The following PXT1 variants were observed in gnomAD, a reference collection of about 807,000 sequenced individuals.
PXT1 encodes peroxisomal testis-specific protein 1.
A neutral mutation model predicts 11.0 loss-of-function variants in PXT1; 11 were observed. The observed-to-expected ratio is 1.00, with a 90% CI of 0.63 to 1.66. PXT1 has a LOEUF of 1.66. Among genes scored for constraint, PXT1 ranks in the 40% most tolerant of loss-of-function variants. The pLI is 0.00. For synonymous variants in PXT1, 43 were observed against 51.4 expected, an observed-to-expected ratio of 0.84 and a Z score of 0.70; for missense variants, 141 against 155.5, an observed-to-expected ratio of 0.91 and a Z score of 0.49.
At chr6:36,418,151 G>A (rs906565963) in intron 3 of PXT1, among the ~76,000 whole-genome samples, 12 of 151,586 alleles carry the variant, frequency 7.9e-5, no homozygotes, top group Non-Finnish European at 1.6e-4. Context: ...AGCTGAGATC[G>A]CACCTCTGCA....
chr6:36,431,953 C>G (rs1774699226), intron 2 of PXT1, among the ~76,000 whole-genome samples: 1 of 152,048 alleles, frequency 6.6e-6, no homozygotes, highest in Non-Finnish European at 1.5e-5. Flanking sequence ...CATCTGTAAT[C>G]CCAGATACTC....
intron 3 of PXT1, 113 bp downstream of exon 3, chr6:36,425,801 A>AAAAACAAACAAAC (rs1491482052): frequency 5.3e-4 from 173 of 328,378 alleles, no homozygotes; most frequent in Admixed American, 3.0e-3. Context: ...AAACAAAAAC[A>AAAAACAAACAAAC]AAAAATATAT....
intron 4 of PXT1, among the ~76,000 whole-genome samples, chr6:36,399,195 G>C (rs1228591659): frequency 6.6e-6 from 1 of 151,660 alleles, no homozygotes; most frequent in Admixed American, 6.6e-5. Flanking sequence ...ATCCAGACTG[G>C]AGTACAGTGG....
intron 3 of PXT1, among the ~76,000 whole-genome samples, chr6:36,404,654 A>T (rs1488193202): frequency 7.0e-6 from 1 of 142,952 alleles, no homozygotes; most frequent in East Asian, 2.0e-4. Context: ...TCTACTTACT[A>T]AAAAAAAAAA....
chr6:36,423,213 G>C (rs975395825), intron 3 of PXT1, among the ~76,000 whole-genome samples: 1 of 152,224 alleles, frequency 6.6e-6, no homozygotes, highest in Non-Finnish European at 1.5e-5. Flanking sequence ...CCACTGAGGG[G>C]AGAGGTGGAC....
intron 4 of PXT1, among the ~76,000 whole-genome samples, chr6:36,392,226 C>T (rs953148648): frequency 1.3e-5 from 2 of 152,186 alleles, no homozygotes; most frequent in East Asian, 3.8e-4. Context: ...GACAGGGTCT[C>T]ACTATGTTGC....
intron 3 of PXT1, among the ~76,000 whole-genome samples, chr6:36,407,957 CTTT>C (rs61251776): frequency 1.2e-4 from 16 of 136,134 alleles, no homozygotes; most frequent in East Asian, 2.1e-4. Context: ...CTTTTTCTTT[CTTT>C]TTTTTTTTTT....
chr6:36,408,961 C>T (rs1474663927), intron 3 of PXT1, among the ~76,000 whole-genome samples: 4 of 152,126 alleles, frequency 2.6e-5, no homozygotes, highest in Non-Finnish European at 4.4e-5. Context: ...GAGAATCCTA[C>T]GTAAGGACCT....
At chr6:36,441,821 A>C (rs1774874448) in intron 1 of PXT1, among the ~76,000 whole-genome samples, 1 of 152,208 alleles carries the variant, frequency 6.6e-6, no homozygotes, top group African/African-American at 2.4e-5. Context: ...TTTGACCCTG[A>C]TAAAACAAAT....
At chr6:36,434,461 T>C (rs1222602528) in intron 2 of PXT1, among the ~76,000 whole-genome samples, 1 of 152,204 alleles carries the variant, frequency 6.6e-6, no homozygotes, top group Non-Finnish European at 1.5e-5. Context: ...TATGTTAATG[T>C]CTCTAAGAAT....
At chr6:36,398,818 T>C (rs1774176565) in intron 4 of PXT1, among the ~76,000 whole-genome samples, 1 of 152,068 alleles carries the variant, frequency 6.6e-6, no homozygotes, top group Admixed American at 6.6e-5. Flanking sequence ...CAGAGATGCC[T>C]TCCCTGACAG....
intron 2 of PXT1, among the ~76,000 whole-genome samples, chr6:36,438,510 G>A (rs1419922400): frequency 6.6e-6 from 1 of 152,072 alleles, no homozygotes; most frequent in Non-Finnish European, 1.5e-5. Context: ...TGCAAGCTCC[G>A]CCTCCTGGGT....
chr6:36,408,793 A>T (rs1380554653), intron 3 of PXT1, among the ~76,000 whole-genome samples: 2 of 151,144 alleles, frequency 1.3e-5, no homozygotes, highest in South Asian at 2.1e-4. Context: ...AGGTGAGAGG[A>T]TTGCTTGAGC....
rs1774064588 is a variant in PXT1, at chr6:36,391,409, C to G, written c.*361G>C. ...AGGAGGTAGTGCCCATTTCTGTGGC[C>G]TTTAGTTTGAGGACGAGGTTCTCTT... On this transcript the variant is annotated 3_prime_UTR_variant, in exon 5 of 5. Transcript: ENST00000454782. 1 of 231,910 alleles carries G rather than the reference C, an allele frequency of 4.3e-6. No individual in the cohort carries two copies. The highest frequency in any genetic ancestry group is 6.0e-5 in the South Asian group (1 of 16,798). The allele number at this position is 231,910 out of a possible 1,614,324, so 14.4% of individuals were successfully genotyped here.
chr6:36,429,936 C>T (rs1456593469), intron 2 of PXT1, among the ~76,000 whole-genome samples: 5 of 151,776 alleles, frequency 3.3e-5, no homozygotes, highest in African/African-American at 1.2e-4. Flanking sequence ...CAGTGGCTCG[C>T]GCCTGTAATC....
At chr6:36,427,279 G>A (rs1774622516) in intron 2 of PXT1, among the ~76,000 whole-genome samples, 1 of 152,152 alleles carries the variant, frequency 6.6e-6, no homozygotes, top group South Asian at 2.1e-4. Context: ...GGGATTACAG[G>A]TGTGAGCCAC....
intron 3 of PXT1, among the ~76,000 whole-genome samples, chr6:36,406,867 A>C (rs919301839): frequency 2.0e-5 from 3 of 151,654 alleles, no homozygotes; most frequent in Non-Finnish European, 4.4e-5. Flanking sequence ...CCTGCCTCAG[A>C]GCCCAAGCCC....
chr6:36,419,600 A>T (rs1035247642), intron 3 of PXT1, among the ~76,000 whole-genome samples: 1 of 152,234 alleles, frequency 6.6e-6, no homozygotes, highest in African/African-American at 2.4e-5. Context: ...CCTTGAGGGC[A>T]TGTATCTATT....
At chr6:36,434,899 T>C (rs1003871265) in intron 2 of PXT1, among the ~76,000 whole-genome samples, 1 of 152,234 alleles carries the variant, frequency 6.6e-6, no homozygotes, top group Admixed American at 6.5e-5. Flanking sequence ...TCAGCTGAAA[T>C]GTTATAATTT....
Sources: gnomAD v4.1 joint callset for allele counts (sites outside exome capture counted in the v4.1 genomes callset) on GRCh38, gnomAD v4.1.1 for gene constraint, MANE v1.5 for transcripts, NCBI Gene and HGNC (gene_info 2026-07-23, HGNC 2026-07-21) for gene names.